Variants in DOK6 observed in about 807,000 individuals in gnomAD.
DOK6 encodes the protein downstream of tyrosine kinase 6.
Under a neutral mutation model 44.0 loss-of-function variants are expected in DOK6, and 22 were observed. That is an observed-to-expected ratio of 0.50 (90% CI 0.36 to 0.71). The LOEUF is 0.71. Among genes scored for constraint, DOK6 ranks in the 30% least tolerant of loss-of-function variants. The probability of loss-of-function intolerance (pLI) is 0.00; values close to 1 mark genes in which losing one functional copy is unlikely to be tolerated. For missense variants in DOK6, 340 were observed against 416.4 expected, an observed-to-expected ratio of 0.82 and a Z score of 1.60; for synonymous variants, 166 against 145.5, an observed-to-expected ratio of 1.14 and a Z score of -1.01.
chr18:69,809,928 A>C (rs1462256173), intron 7 of DOK6, among the ~76,000 whole-genome samples: 2 of 151,972 alleles, frequency 1.3e-5, no homozygotes, highest in Admixed American at 1.3e-4. Flanking sequence ...CTACAGACTC[A>C]ATGCCATATC....
rs539944760 is a variant in DOK6 at position 69,768,088 on chromosome 18, G to A, written c.856+10215G>A. Among the ~76,000 whole-genome samples the A allele has an allele frequency of 5.5e-4, 84 of 152,154 alleles. 1 individual carries two copies. The highest frequency in any genetic ancestry group is 1.1e-3 in the Non-Finnish European group (73 of 68,008). ...CTACTGAATTTTTTAAATAAAAGAA[G>A]TAACATACTGAGTTCTCTATTAATC... On this transcript the variant is annotated intron_variant, in intron 7 of 7. Transcript: ENST00000382713.
chr18:69,517,670 A>G (rs566012039), intron 1 of DOK6, among the ~76,000 whole-genome samples: 2 of 148,344 alleles, frequency 1.3e-5, no homozygotes, highest in Admixed American at 6.7e-5. Flanking sequence ...AGGGCACTTC[A>G]TTTGAGATGC....
intron 7 of DOK6, among the ~76,000 whole-genome samples, chr18:69,822,172 A>G (rs1267444894): frequency 6.6e-6 from 1 of 152,208 alleles, no homozygotes; most frequent in African/African-American, 2.4e-5. Context: ...GTCTTACTGA[A>G]TAATGGGTAA....
chr18:69,839,144 C>G (rs1253938093), intron 7 of DOK6, among the ~76,000 whole-genome samples: 1 of 149,100 alleles, frequency 6.7e-6, no homozygotes, highest in Non-Finnish European at 1.5e-5. Flanking sequence ...CTAGACTCCC[C>G]CTAGCTCTTC....
intron 1 of DOK6, among the ~76,000 whole-genome samples, chr18:69,429,616 G>GAT (rs1978740354): frequency 1.7e-4 from 13 of 78,146 alleles, no homozygotes; most frequent in East Asian, 3.3e-4. Flanking sequence ...AATATTGAGG[G>GAT]ATACATATAT....
intron 3 of DOK6, among the ~76,000 whole-genome samples, chr18:69,628,348 G>A (rs1984607851): frequency 6.6e-6 from 1 of 152,128 alleles, no homozygotes; most frequent in African/African-American, 2.4e-5. Flanking sequence ...AACTTATCCA[G>A]GTTTCATGGC....
rs563517721 is a variant in DOK6 at position 69,590,786 on chromosome 18, G to A, written c.175-8598G>A. On this transcript the variant is annotated intron_variant, in intron 2 of 7. Transcript: ENST00000382713. Reference sequence around the variant, plus strand: ...ATGAAAATATTTCGGAAGAGAAAGAGTGAGGGCTTAAATGAGTCACTAATG... The same window carrying A: ...ATGAAAATATTTCGGAAGAGAAAGAATGAGGGCTTAAATGAGTCACTAATG... 2.0e-5 allele frequency among the ~76,000 whole-genome samples: 3 copies of A among 152,270 alleles called. No homozygotes were observed. The South Asian group carries it at 6.2e-4, about 32-fold the overall frequency.
intron 7 of DOK6, among the ~76,000 whole-genome samples, chr18:69,768,651 T>C (rs1979791704): frequency 6.7e-6 from 1 of 149,736 alleles, no homozygotes; most frequent in Admixed American, 6.7e-5. Flanking sequence ...TTGATAATGA[T>C]TGAAAGATAA....
Position 69,540,000 on chromosome 18 carries a change from G to A in DOK6, c.67-24487G>A, listed in dbSNP as rs183516127. On this transcript the variant is annotated intron_variant, in intron 1 of 7. Transcript: ENST00000382713. Reference sequence around the variant, plus strand: ...AAGGAGGCAGCATCTTTCACAAGGCGGCAGGAGGGAGAAAGAATGCATGTG... The same window carrying A: ...AAGGAGGCAGCATCTTTCACAAGGCAGCAGGAGGGAGAAAGAATGCATGTG... Among the ~76,000 whole-genome samples, 6 of 151,212 alleles carry A rather than the reference G, an allele frequency of 4.0e-5. No individual in the cohort carries two copies. The East Asian group carries it at 9.9e-4, about 25-fold the overall frequency.
chr18:69,748,824 G>A (rs1480936401), intron 6 of DOK6, among the ~76,000 whole-genome samples: 1 of 152,254 alleles, frequency 6.6e-6, no homozygotes, highest in Non-Finnish European at 1.5e-5. Context: ...CAAAGGAATA[G>A]AAATCATTCT....
chr18:69,800,270 A>C (rs1033945085), intron 7 of DOK6, among the ~76,000 whole-genome samples: 2 of 152,068 alleles, frequency 1.3e-5, no homozygotes, highest in Non-Finnish European at 2.9e-5. Flanking sequence ...GGATTTTAAA[A>C]TTTTCCTGTC....
chr18:69,759,222 G>A (rs960495418), intron 7 of DOK6, among the ~76,000 whole-genome samples: 4 of 152,176 alleles, frequency 2.6e-5, no homozygotes, highest in African/African-American at 9.6e-5. Flanking sequence ...AGTATCTTAT[G>A]CTTTTATTTC....
intron 2 of DOK6, among the ~76,000 whole-genome samples, chr18:69,582,000 G>C (rs1983382019): frequency 6.6e-6 from 1 of 152,132 alleles, no homozygotes; most frequent in Admixed American, 6.5e-5. Context: ...ACCAACACCA[G>C]TAACTACCTA....
At chr18:69,461,999 T>G (rs1262403975) in intron 1 of DOK6, among the ~76,000 whole-genome samples, 1 of 152,194 alleles carries the variant, frequency 6.6e-6, no homozygotes. Flanking sequence ...CAGACTACTT[T>G]CCCTTGCATT....
chr18:69,405,692 T>C (rs1046324787), intron 1 of DOK6, among the ~76,000 whole-genome samples: 3 of 152,222 alleles, frequency 2.0e-5, no homozygotes, highest in African/African-American at 4.8e-5. Context: ...ATTTCTTTCA[T>C]CTCCAAGTCT....
chr18:69,611,130 A>G (rs1984129539), intron 3 of DOK6, among the ~76,000 whole-genome samples: 1 of 152,228 alleles, frequency 6.6e-6, no homozygotes, highest in Non-Finnish European at 1.5e-5. Context: ...AAAAGAAAAC[A>G]TCAAGTATAC....
At chr18:69,721,723 T>G (rs900064544) in intron 5 of DOK6, among the ~76,000 whole-genome samples, 3 of 82,356 alleles carry the variant, frequency 3.6e-5, no homozygotes, top group African/African-American at 7.4e-5. Flanking sequence ...TATTATGAAT[T>G]TACTTAAAAG....
chr18:69,757,998 T>C, intron 7 of DOK6, 125 bp downstream of exon 7: 1 of 783,698 alleles, frequency 1.3e-6, no homozygotes, highest in Admixed American at 2.0e-5. Flanking sequence ...CAGCTGTCAC[T>C]GGCCACAGTG....
At chr18:69,428,074 G>A (rs1228499819) in intron 1 of DOK6, among the ~76,000 whole-genome samples, 1 of 152,030 alleles carries the variant, frequency 6.6e-6, no homozygotes, top group African/African-American at 2.4e-5. Context: ...CATCCGGCCT[G>A]GCCTGGAGTA....
Sources: allele counts gnomAD v4.1 joint callset (sites outside exome capture counted in the v4.1 genomes callset), GRCh38; gene constraint gnomAD v4.1.1; transcripts MANE v1.5; gene names NCBI Gene and HGNC (gene_info 2026-07-23, HGNC 2026-07-21).